Variants in IL20RB observed in about 807,000 individuals in gnomAD.
The protein encoded by IL20RB is interleukin-20 receptor subunit beta.
A neutral mutation model predicts 33.3 loss-of-function variants in IL20RB; 21 were observed. The observed-to-expected ratio is 0.63, with a 90% CI of 0.45 to 0.91. IL20RB has a LOEUF of 0.91. IL20RB is among the 40% of genes least tolerant of loss of function. IL20RB has a pLI of 0.00. For missense variants in IL20RB, 345 were observed against 384.8 expected (o/e 0.90, Z 0.86); for synonymous variants, 147 against 146.8 (o/e 1.00, Z -0.01).
chr3:136,987,673 A>C (rs982314805), intron 3 of IL20RB, among the ~76,000 whole-genome samples: 1 of 152,012 alleles, frequency 6.6e-6, no homozygotes, highest in Non-Finnish European at 1.5e-5. Context: ...GCCGCACAGG[A>C]GCCCATGGAG....
intron 1 of IL20RB, among the ~76,000 whole-genome samples, chr3:136,966,227 G>T (rs1474907744): frequency 7.2e-6 from 1 of 138,006 alleles, no homozygotes; most frequent in South Asian, 2.3e-4. Flanking sequence ...AGTTAGGGAG[G>T]ATTCCCTCTT....
At chr3:136,960,838 G>A (rs1941199376) in intron 1 of IL20RB, among the ~76,000 whole-genome samples, 1 of 152,208 alleles carries the variant, frequency 6.6e-6, no homozygotes, top group Non-Finnish European at 1.5e-5. Context: ...ACAAAGGAAA[G>A]GAAATAAAGA....
intron 4 of IL20RB, 67 bp from the exon 5 acceptor site, chr3:136,991,871 A>G: frequency 6.5e-7 from 1 of 1,549,370 alleles, no homozygotes; most frequent in Non-Finnish European, 8.8e-7. Context: ...CAGGCTCCCA[A>G]AGTGCTGGGA....
chr3:136,982,421 T>TTA, intron 3 of IL20RB, 71 bp downstream of exon 3: 1 of 1,128,666 alleles, frequency 8.9e-7, no homozygotes, highest in Non-Finnish European at 1.3e-6. Context: ...CACCTAAACT[T>TTA]TCTAGACTCT....
chr3:136,978,102 C>CT (rs2043750183), intron 1 of IL20RB, among the ~76,000 whole-genome samples: 1 of 150,100 alleles, frequency 6.7e-6, no homozygotes, highest in African/African-American at 2.5e-5. Flanking sequence ...TGTAGATGGT[C>CT]TTTATCAAGT....
At chr3:136,979,036 TC>T (rs1577018687) in intron 1 of IL20RB, among the ~76,000 whole-genome samples, 2 of 152,234 alleles carry the variant, frequency 1.3e-5, no homozygotes, top group East Asian at 1.9e-4. Flanking sequence ...AGGTTTATAT[TC>T]CCCAAATAGC....
At chr3:136,971,993 C>T (rs975535650) in intron 1 of IL20RB, among the ~76,000 whole-genome samples, 2 of 152,122 alleles carry the variant, frequency 1.3e-5, no homozygotes, top group African/African-American at 4.8e-5. Context: ...CCCTCATCAA[C>T]GTTTGTTATT....
intron 1 of IL20RB, among the ~76,000 whole-genome samples, chr3:136,971,243 G>A (rs1305198040): frequency 9.9e-5 from 15 of 152,036 alleles, no homozygotes; most frequent in African/African-American, 3.1e-4. Flanking sequence ...TGATTCTCCC[G>A]CCTCAGCCTC....
At chr3:136,977,998 G>A (rs927552480) in intron 1 of IL20RB, among the ~76,000 whole-genome samples, 11 of 152,166 alleles carry the variant, frequency 7.2e-5, no homozygotes, top group Non-Finnish European at 1.5e-4. Flanking sequence ...TGTTGAATAA[G>A]AGTGGTAAGA....
chr3:136,963,695 T>TAA (rs1354617238), intron 1 of IL20RB, among the ~76,000 whole-genome samples: 32 of 115,850 alleles, frequency 2.8e-4, no homozygotes, highest in African/African-American at 9.9e-4. Flanking sequence ...TTTTTTTTAT[T>TAA]TTTTTTTTTT....
chr3:137,002,951 G>C (rs1486473593), intron 6 of IL20RB, among the ~76,000 whole-genome samples: 1 of 152,158 alleles, frequency 6.6e-6, no homozygotes, highest in Non-Finnish European at 1.5e-5. Context: ...TTTGTATAAG[G>C]TGTAAGGAAG....
rs546330482 is a variant in IL20RB at position 136,960,038 on chromosome 3, C to A, written c.88+1837C>A. On this transcript the variant is annotated intron_variant, in intron 1 of 6. Transcript: ENST00000329582. ...GAGGTTGTCTTTATGCAGTTTTGAC[C>A]ATTTCCTCTGGATTGTGTAGGTGCC... 1.2e-4 allele frequency among the ~76,000 whole-genome samples: 18 copies of A among 151,568 alleles called. No homozygotes were observed. In the South Asian group the frequency reaches 2.7e-3, roughly 23 times the overall value.
chr3:136,963,706 A>G (rs1003797029), intron 1 of IL20RB, among the ~76,000 whole-genome samples: 1 of 51,522 alleles, frequency 1.9e-5, no homozygotes. Flanking sequence ...TTTTTTTTTT[A>G]TTATACTCTA....
At chr3:136,982,740 C>T (rs897570306) in intron 3 of IL20RB, among the ~76,000 whole-genome samples, 5 of 152,132 alleles carry the variant, frequency 3.3e-5, no homozygotes, top group East Asian at 1.9e-4. Context: ...TTACTGCCCA[C>T]GTAAGCAGCT....
Position 137,010,413 on chromosome 3 carries a change from T to A in IL20RB, c.*190T>A. On this transcript the variant is annotated 3_prime_UTR_variant, in exon 7 of 7. Coordinates refer to ENST00000329582, the MANE Select transcript of IL20RB (RefSeq NM_144717.4). ...TGTCTAACAGAACACTGACTGAGGCTTAGGGGATGTGACCTCTAGACTGGG... is the reference window on the plus strand; with the variant it reads ...TGTCTAACAGAACACTGACTGAGGCATAGGGGATGTGACCTCTAGACTGGG... 1 of 524,940 alleles carries A rather than the reference T, an allele frequency of 1.9e-6. No individual in the cohort carries two copies. The highest frequency in any genetic ancestry group is 3.4e-6 in the Non-Finnish European group (1 of 290,690). The allele number at this position is 524,940 out of a possible 1,614,324, so 32.5% of individuals were successfully genotyped here. A position where few individuals can be genotyped will look rare whatever the true frequency, so the allele number is the denominator to read the frequency against.
At chr3:136,982,446 T>C (rs1482279509) in intron 3 of IL20RB, 96 bp downstream of exon 3, 8 of 947,466 alleles carry the variant, frequency 8.4e-6, no homozygotes, top group Non-Finnish European at 1.3e-5. Flanking sequence ...AGCATCAGAA[T>C]AGTCCTGCAA....
chr3:136,972,877 A>T (rs1941522944), intron 1 of IL20RB, among the ~76,000 whole-genome samples: 1 of 150,994 alleles, frequency 6.6e-6, no homozygotes, highest in Admixed American at 6.6e-5. Context: ...CTTGAGATGC[A>T]TTGTTAGATT....
At chr3:136,973,546 A>G (rs1290159636) in intron 1 of IL20RB, among the ~76,000 whole-genome samples, 2 of 152,098 alleles carry the variant, frequency 1.3e-5, no homozygotes, top group African/African-American at 4.8e-5. Context: ...CAGTTGTTGG[A>G]TATAATGTTC....
At chr3:136,970,447 G>C in intron 1 of IL20RB, among the ~76,000 whole-genome samples, 1 of 152,096 alleles carries the variant, frequency 6.6e-6, no homozygotes, top group East Asian at 1.9e-4. Context: ...TCAAAAAGCA[G>C]TTGAGCACAT....
Sources: allele counts gnomAD v4.1 joint callset (sites outside exome capture counted in the v4.1 genomes callset), GRCh38; gene constraint gnomAD v4.1.1; transcripts MANE v1.5; gene names NCBI Gene and HGNC (gene_info 2026-07-23, HGNC 2026-07-21).